The following NCALD variants were observed in gnomAD, a reference collection of about 807,000 sequenced individuals.
NCALD encodes the protein neurocalcin-delta.
NCALD carries 10 observed loss-of-function variants against 18.6 expected under a neutral mutation model. The observed-to-expected ratio is 0.54, with a 90% CI of 0.33 to 0.91. The LOEUF is 0.91. Ranked by LOEUF, NCALD falls within the 40% of genes least tolerant of loss-of-function variation. The probability of loss-of-function intolerance (pLI) is 0.03; values close to 1 mark genes in which losing one functional copy is unlikely to be tolerated. For synonymous variants in NCALD, 88 were observed against 87.4 expected (o/e 1.01, Z -0.04); for missense variants, 184 against 247.6 (o/e 0.74, Z 1.72).
At chr8:101,691,104 C>G in intron 3 of NCALD, 1 of 985,332 alleles carries the variant, frequency 1.0e-6, no homozygotes, top group Non-Finnish European at 1.2e-6. Context: ...CTGCTCTGCT[C>G]TCGGCAGGGA....
intron 3 of NCALD, chr8:101,691,959 A>C (rs923905270): frequency 3.0e-6 from 3 of 985,284 alleles, no homozygotes; most frequent in Non-Finnish European, 3.6e-6. Context: ...CTTTAAACTC[A>C]AGTATAACAT....
At chr8:101,950,078 T>G (rs73696600) in intron 2 of NCALD, among the ~76,000 whole-genome samples, 1,659 of 152,256 alleles carry the variant, frequency 0.011, 38 homozygotes, top group African/African-American at 0.037. Flanking sequence ...GTTGACAGGA[T>G]GATGGATTGA....
At chr8:101,864,609 T>TTC (rs756712500) in intron 4 of NCALD, among the ~76,000 whole-genome samples, 1 of 151,350 alleles carries the variant, frequency 6.6e-6, no homozygotes, top group Non-Finnish European at 1.5e-5. Context: ...TTTTTTTTTT[T>TTC]CTGAGACGGA....
rs536658760 is a variant in NCALD at position 102,111,535 on chromosome 8, T to C, written c.-210+12702A>G. ...ACTCCAGAGCAATGGTGCAGCAATC[T>C]GCCTTTAAAAATACAATAACAACGC... On this transcript the variant is annotated intron_variant, in intron 1 of 6. Transcript: ENST00000311028. Among the ~76,000 whole-genome samples, 501 of 152,172 alleles carry C rather than the reference T, an allele frequency of 3.3e-3. 3 individuals carry two copies. The highest frequency in any genetic ancestry group is 7.7e-3 in the South Asian group (37 of 4,806).
intron 1 of NCALD, among the ~76,000 whole-genome samples, chr8:101,752,903 C>T (rs1281762969): frequency 1.3e-5 from 2 of 152,022 alleles, no homozygotes; most frequent in Non-Finnish European, 2.9e-5. Flanking sequence ...TAAAAGTCAC[C>T]AATGAAATAT....
chr8:101,690,474 T>A (rs1216425911), intron 3 of NCALD: 3 of 985,362 alleles, frequency 3.0e-6, no homozygotes, highest in African/African-American at 3.5e-5. Flanking sequence ...TTTCAGCACG[T>A]CCTTGGACTC....
At chr8:101,863,844 G>A (rs1033802260) in intron 4 of NCALD, among the ~76,000 whole-genome samples, 2 of 152,110 alleles carry the variant, frequency 1.3e-5, no homozygotes, top group African/African-American at 4.8e-5. Context: ...ACCATTGGGG[G>A]AAGACTTACT....
intron 1 of NCALD, among the ~76,000 whole-genome samples, chr8:101,760,794 A>T (rs1313075302): frequency 6.6e-6 from 1 of 152,206 alleles, no homozygotes; most frequent in Non-Finnish European, 1.5e-5. Flanking sequence ...TTTCATGAAT[A>T]TAATAACAGC....
chr8:101,696,161 A>C (rs548061444), intron 2 of NCALD, among the ~76,000 whole-genome samples: 1 of 152,302 alleles, frequency 6.6e-6, no homozygotes, highest in South Asian at 2.1e-4. Context: ...AGGTCATGGA[A>C]ATCCCTGCTC....
chr8:101,736,123 C>T lies in NCALD; in HGVS notation c.-19-16475G>A, dbSNP rs147685905. 1.5e-3 allele frequency among the ~76,000 whole-genome samples: 234 copies of T among 152,242 alleles called. 2 individuals carry two copies. Among genetic ancestry groups the T allele is most frequent in the African/African-American group, 5.3e-3 (220 of 41,550 alleles). ...GCAGGAGCCCTCATTCTGTATGTAC[C>T]CCCTAATGGCAATAAAAACCCCGAG... On this transcript the variant is annotated intron_variant, in intron 1 of 3. Transcript: ENST00000220931.
intron 2 of NCALD, among the ~76,000 whole-genome samples, chr8:101,944,965 C>T (rs1198479566): frequency 2.0e-5 from 3 of 152,164 alleles, no homozygotes; most frequent in Non-Finnish European, 4.4e-5. Context: ...TTAGTTGGGG[C>T]TGATGTGTGA....
At chr8:101,905,426 C>T (rs1205396927) in intron 3 of NCALD, among the ~76,000 whole-genome samples, 2 of 152,048 alleles carry the variant, frequency 1.3e-5, no homozygotes, top group Admixed American at 6.6e-5. Flanking sequence ...GTCAGGAGGC[C>T]GACCTCAGCA....
chr8:101,692,359 C>T (rs1390661505), intron 3 of NCALD: 2 of 985,342 alleles, frequency 2.0e-6, no homozygotes, highest in African/African-American at 1.7e-5. Context: ...CCCAACAAAA[C>T]CCCTTTGGCA....
chr8:101,837,214 G>A (rs1814448639), intron 4 of NCALD, among the ~76,000 whole-genome samples: 1 of 152,058 alleles, frequency 6.6e-6, no homozygotes, highest in South Asian at 2.1e-4. Flanking sequence ...TTCACAGCTG[G>A]CACTCTCCCT....
chr8:101,815,824 C>T (rs774124962), intron 4 of NCALD, among the ~76,000 whole-genome samples: 1 of 152,098 alleles, frequency 6.6e-6, no homozygotes, highest in Non-Finnish European at 1.5e-5. Context: ...AAACTGATGT[C>T]CAAACAAAAA....
intron 1 of NCALD, among the ~76,000 whole-genome samples, chr8:102,099,773 A>C (rs1263826026): frequency 1.3e-5 from 2 of 152,018 alleles, no homozygotes; most frequent in African/African-American, 4.8e-5. Context: ...GTGAAACCCC[A>C]TCTCTACTAA....
At chr8:101,794,565 G>C (rs923108078), upstream of NCALD, among the ~76,000 whole-genome samples, 2 of 152,260 alleles carry the variant, frequency 1.3e-5, no homozygotes, top group Middle Eastern at 3.4e-3. Flanking sequence ...AGTTATATGT[G>C]GATGTATTTA....
At chr8:101,896,673 AAAAC>A (rs1173855545) in intron 3 of NCALD, among the ~76,000 whole-genome samples, 4 of 151,330 alleles carry the variant, frequency 2.6e-5, no homozygotes, top group Admixed American at 6.6e-5. Context: ...TTACAACAGA[AAAAC>A]AAACAACCCC....
chr8:101,997,671 C>A (rs1002925107), intron 2 of NCALD, among the ~76,000 whole-genome samples: 11 of 152,208 alleles, frequency 7.2e-5, no homozygotes, highest in Non-Finnish European at 4.4e-5. Context: ...GGTCGCTCCA[C>A]TGAATCTGCT....
Sources: gnomAD v4.1 joint callset for allele counts (sites outside exome capture counted in the v4.1 genomes callset) on GRCh38, gnomAD v4.1.1 for gene constraint, MANE v1.5 for transcripts, NCBI Gene and HGNC (gene_info 2026-07-23, HGNC 2026-07-21) for gene names.